Variants in FOXN2 observed in about 807,000 individuals in gnomAD.
FOXN2 encodes the protein forkhead box protein N2.
A neutral mutation model predicts 41.2 loss-of-function variants in FOXN2; 19 were observed. That is an observed-to-expected ratio of 0.46 (90% confidence interval 0.32 to 0.68). FOXN2 has a LOEUF of 0.68. FOXN2 is among the 30% of genes least tolerant of loss of function. The pLI, the probability that FOXN2 is intolerant of heterozygous loss-of-function variation, is 0.03. For missense variants in FOXN2, 587 were observed against 509.4 expected, an observed-to-expected ratio of 1.15 and a Z score of -1.47; for synonymous variants, 195 against 176.8, an observed-to-expected ratio of 1.10 and a Z score of -0.82.
At chr2:48,335,121 A>C (rs1001937864) in intron 2 of FOXN2, among the ~76,000 whole-genome samples, 1 of 152,234 alleles carries the variant, frequency 6.6e-6, no homozygotes, top group Non-Finnish European at 1.5e-5. Context: ...GGAAAAAGGC[A>C]CAATATAAGA....
intron 1 of FOXN2, among the ~76,000 whole-genome samples, chr2:48,323,948 A>G (rs1669501223): frequency 6.6e-6 from 1 of 152,024 alleles, no homozygotes; most frequent in South Asian, 2.1e-4. Flanking sequence ...ATGGCTATCC[A>G]ATTTAGTAGT....
chr2:48,373,011 C>T (rs968492186), intron 5 of FOXN2, among the ~76,000 whole-genome samples: 1 of 150,960 alleles, frequency 6.6e-6, no homozygotes, highest in Non-Finnish European at 1.5e-5. Context: ...TTTAAGTTTT[C>T]GTTTTCATTG....
chr2:48,317,039 A>G (rs778859302), intron 1 of FOXN2, among the ~76,000 whole-genome samples: 3 of 152,190 alleles, frequency 2.0e-5, no homozygotes, highest in Non-Finnish European at 4.4e-5. Flanking sequence ...ACTGAGAGCA[A>G]TTTTTAGTTG....
chr2:48,321,823 A>T (rs1281235765), intron 1 of FOXN2, among the ~76,000 whole-genome samples: 1 of 152,212 alleles, frequency 6.6e-6, no homozygotes, highest in East Asian at 1.9e-4. Context: ...ATATGTATGT[A>T]TATTGTGGGT....
chr2:48,362,946 G>A (rs1672291336), intron 5 of FOXN2, among the ~76,000 whole-genome samples: 1 of 152,134 alleles, frequency 6.6e-6, no homozygotes, highest in South Asian at 2.1e-4. Context: ...ACGTAGTTAT[G>A]TACATATGTT....
rs545664545 is a variant in FOXN2, at chr2:48,375,270, A to G, written c.1123A>G (p.Ile375Val). The change falls in exon 7 of 7, where the codon ATC (isoleucine) becomes GTC (valine). Residue 375 changes from isoleucine to valine, a missense_variant. Ile to Val is a conservative substitution (Grantham distance 29). Coordinates refer to ENST00000340553, the MANE Select transcript of FOXN2 (RefSeq NM_002158.4). ...CTATGCATCACAGCCTTGTGCAAAA[A>G]TCTCTGAAAAAGGGCAGTCAGGCAA... Reference protein sequence around the residue: ...SGYASQPCAKISEKGQSGKKM... With the variant: ...SGYASQPCAKVSEKGQSGKKM... 8 of 1,614,014 alleles carry G rather than the reference A, an allele frequency of 5.0e-6. No homozygotes were observed. The African/African-American group carries it at 6.7e-5, about 13-fold the overall frequency.
intron 3 of FOXN2, among the ~76,000 whole-genome samples, chr2:48,353,589 TGTGTG>T: frequency 1.5e-5 from 2 of 134,184 alleles, no homozygotes; most frequent in Non-Finnish European, 3.5e-5. Context: ...TGTGTGTGTG[TGTGTG>T]TGTGTGTGTG....
chr2:48,333,717 C>G (rs1043749994), intron 2 of FOXN2, among the ~76,000 whole-genome samples: 1 of 152,100 alleles, frequency 6.6e-6, no homozygotes, highest in Non-Finnish European at 1.5e-5. Context: ...CCAAAATGCT[C>G]CAGAAGCCAA....
At chr2:48,364,252 G>C (rs554239960) in intron 5 of FOXN2, among the ~76,000 whole-genome samples, 1 of 151,952 alleles carries the variant, frequency 6.6e-6, no homozygotes, top group Non-Finnish European at 1.5e-5. Context: ...ATTTGAGACA[G>C]GTTCTCACTC....
At chr2:48,325,610 A>G (rs1192035706) in intron 1 of FOXN2, among the ~76,000 whole-genome samples, 2 of 152,192 alleles carry the variant, frequency 1.3e-5, no homozygotes, top group African/African-American at 4.8e-5. Context: ...TACAGATGGA[A>G]AAATTATGTA....
intron 3 of FOXN2, among the ~76,000 whole-genome samples, chr2:48,347,180 G>T (rs1233099339): frequency 6.7e-6 from 1 of 150,228 alleles, no homozygotes; most frequent in Non-Finnish European, 1.5e-5. Flanking sequence ...GCCTTTTGTG[G>T]GATGAGGTGT....
chr2:48,334,803 A>G (rs1378800783), intron 2 of FOXN2, among the ~76,000 whole-genome samples: 1 of 152,170 alleles, frequency 6.6e-6, no homozygotes, highest in African/African-American at 2.4e-5. Flanking sequence ...ATTGTACTGT[A>G]CCTTTATAAG....
intron 4 of FOXN2, 118 bp from the exon 5 acceptor site, chr2:48,362,525 T>A: frequency 5.2e-6 from 4 of 768,848 alleles, no homozygotes; most frequent in Non-Finnish European, 8.8e-6. Context: ...GCTGAAATCA[T>A]GCCACTGCAC....
Position 48,346,208 on chromosome 2 carries a change from A to C in FOXN2, c.-7A>C. The C allele has an allele frequency of 6.3e-7, 1 of 1,584,542 alleles. No individual in the cohort carries two copies. The highest frequency in any genetic ancestry group is 1.2e-5 in the South Asian group (1 of 86,650). ...TTGTTTCCTTTGTTGCAGAACTGTAAGAGTAAATGGGTCCAGTAATTGGAA... is the reference window on the plus strand; with the variant it reads ...TTGTTTCCTTTGTTGCAGAACTGTACGAGTAAATGGGTCCAGTAATTGGAA... On this transcript the variant is annotated 5_prime_UTR_variant, in exon 3 of 7. Transcript: ENST00000340553.
At chr2:48,337,148 C>G (rs1274235185) in intron 2 of FOXN2, among the ~76,000 whole-genome samples, 2 of 151,670 alleles carry the variant, frequency 1.3e-5, no homozygotes, top group Non-Finnish European at 2.9e-5. Context: ...TCCTTCTACT[C>G]TTAGACGTTC....
intron 5 of FOXN2, among the ~76,000 whole-genome samples, chr2:48,366,519 C>T (rs1018241610): frequency 2.6e-5 from 4 of 151,950 alleles, no homozygotes; most frequent in Non-Finnish European, 4.4e-5. Flanking sequence ...TTGATATAGA[C>T]CAGGTAGATG....
chr2:48,325,973 C>T (rs918408161), intron 1 of FOXN2, among the ~76,000 whole-genome samples: 3 of 151,908 alleles, frequency 2.0e-5, no homozygotes, highest in Non-Finnish European at 2.9e-5. Flanking sequence ...CTCAGCCTCC[C>T]AACTAGCTGG....
At chr2:48,344,118 C>G (rs1670943633) in intron 2 of FOXN2, among the ~76,000 whole-genome samples, 1 of 152,042 alleles carries the variant, frequency 6.6e-6, no homozygotes, top group South Asian at 2.1e-4. Flanking sequence ...TTTTAAGTCT[C>G]TATGAATAGA....
chr2:48,324,131 A>C (rs1389962758), intron 1 of FOXN2, among the ~76,000 whole-genome samples: 2 of 152,156 alleles, frequency 1.3e-5, no homozygotes, highest in African/African-American at 2.4e-5. Context: ...AAGGTCACAA[A>C]GTAGAATGGA....
Sources: allele counts gnomAD v4.1 joint callset (sites outside exome capture counted in the v4.1 genomes callset), GRCh38; gene constraint gnomAD v4.1.1; transcripts MANE v1.5; gene names NCBI Gene and HGNC (gene_info 2026-07-23, HGNC 2026-07-21).